MPP1: variants seen among roughly 807,000 people sequenced by gnomAD.
MPP1 encodes the protein MAGUK p55 scaffold protein 1.
In MPP1, 6 loss-of-function variants were observed where a neutral mutation model predicts 38.2. That is an observed-to-expected ratio of 0.16 (90% CI 0.09 to 0.31). The LOEUF (loss-of-function observed/expected upper bound fraction) is 0.31. Among genes scored for constraint, MPP1 ranks in the 10% least tolerant of loss-of-function variants. MPP1 has a pLI of 1.00. For missense variants in MPP1, 293 were observed against 368.9 expected (o/e 0.79, Z 1.69); for synonymous variants, 153 against 146.3 (o/e 1.05, Z -0.33).
chrX:154,781,317 GAA>G lies in MPP1; in HGVS notation c.1150-6_1150-5del. ...CTGTCCGAACAATTTTCAGGGTCTAGAAAAAAAAAAGAAGGGCGGCGGGGAGG... is the reference window on the plus strand; with the variant it reads ...CTGTCCGAACAATTTTCAGGGTCTAGAAAAAAAAGAAGGGCGGCGGGGAGG... On this transcript the variant is annotated splice_polypyrimidine_tract_variant and splice_region_variant and intron_variant, in intron 10 of 11. Coordinates refer to ENST00000369534, the MANE Select transcript of MPP1 (RefSeq NM_002436.4). 4 of 842,023 alleles carry G rather than the reference GAA, an allele frequency of 4.8e-6. No homozygotes were observed. The Admixed American group carries it at 1.1e-4, about 24-fold the overall frequency. The allele number at this position is 842,023 out of a possible 1,213,427, so 69.4% of individuals were successfully genotyped here.
Position 154,781,535 on chromosome X carries a change from G to A in MPP1, c.1149+65C>T. 5.4e-6 allele frequency: 6 copies of A among 1,108,970 alleles called. No homozygotes were observed. The East Asian group carries it at 1.2e-4, about 22-fold the overall frequency. The allele number at this position is 1,108,970 out of a possible 1,213,427, so 91.4% of individuals were successfully genotyped here. On this transcript the variant is annotated intron_variant, in intron 10 of 11. Coordinates refer to ENST00000369534, the MANE Select transcript of MPP1 (RefSeq NM_002436.4). ...TGAGCCCCCAGAAGATTCCCAAGGA[G>A]CACTGTCTTCGCCATCCCTTGTGTG...
At chrX:154,785,205 C>A in intron 6 of MPP1, 48 bp from the exon 7 acceptor site, 1 of 872,768 alleles carries the variant, frequency 1.1e-6, no homozygotes, top group Non-Finnish European at 1.5e-6. Context: ...CCCCTCCCCT[C>A]ATACCCCCCC....
intron 10 of MPP1, 56 bp from the exon 11 acceptor site, chrX:154,781,369 GAA>G (rs57003686): frequency 6.6e-5 from 48 of 723,796 alleles, no homozygotes; most frequent in East Asian, 1.7e-4. Context: ...AAAGGAAAGT[GAA>G]AAAAAAAAAC....
At chrX:154,783,538 A>C in intron 8 of MPP1, 31 bp from the exon 9 acceptor site, 1 of 1,124,187 alleles carries the variant, frequency 8.9e-7, no homozygotes. Context: ...ATCTTTTGGA[A>C]AGGGGGGAGA....
intron 1 of MPP1, among the ~76,000 whole-genome samples, chrX:154,800,389 G>A (rs1187510582): frequency 1.8e-5 from 2 of 111,702 alleles, no homozygotes; most frequent in African/African-American, 6.5e-5. Flanking sequence ...ATCCATCTGG[G>A]AACACATACA....
At position 154,792,173 on chromosome X, in the gene MPP1, A is replaced by G. The variant is rs1557267813; in HGVS notation, c.215T>C (p.Ile72Thr). Residue 72 changes from isoleucine (I) to threonine (T), a missense_variant, in exon 2 of 12, where the codon ATA (isoleucine) becomes ACA (threonine). Coordinates refer to ENST00000369534, the MANE Select transcript of MPP1 (RefSeq NM_002436.4). ...KGQEVRKVRLIQFEKVTEEPM... is the reference protein window; with the variant it reads ...KGQEVRKVRLTQFEKVTEEPM... ...CTCTTCTGTGACCTTCTCAAACTGTATGAGTCGCACTTTCCGCACCTCCTG... is the reference window on the plus strand; with the variant it reads ...CTCTTCTGTGACCTTCTCAAACTGTGTGAGTCGCACTTTCCGCACCTCCTG... The G allele has an allele frequency of 1.7e-6, 2 of 1,211,687 alleles. No homozygotes were observed. The highest frequency in any genetic ancestry group is 2.2e-5 in the Admixed American group (1 of 46,055).
intron 1 of MPP1, among the ~76,000 whole-genome samples, chrX:154,798,888 C>T (rs1282202109): frequency 2.7e-5 from 3 of 110,748 alleles, no homozygotes; most frequent in Non-Finnish European, 5.7e-5. Context: ...GCATGCACCA[C>T]CACGCCCGGC....
chrX:154,788,050 T>A (rs1424044713), intron 5 of MPP1, among the ~76,000 whole-genome samples: 2 of 112,459 alleles, frequency 1.8e-5, no homozygotes, highest in Non-Finnish European at 3.8e-5. Flanking sequence ...TAACAATCAA[T>A]CCCAGATGGG....
intron 5 of MPP1, among the ~76,000 whole-genome samples, chrX:154,787,026 C>A (rs1400362378): frequency 1.0e-4 from 11 of 107,116 alleles, no homozygotes; most frequent in Admixed American, 4.0e-4. Flanking sequence ...ACTGTTTTCA[C>A]AATTGAAAAT....
In MPP1 at chrX:154,778,701, C is replaced by T. The variant is rs782511199; in HGVS notation, c.*476G>A. 8.6e-6 allele frequency: 1 copy of T among 115,816 alleles called. No individual in the cohort carries two copies. The highest frequency in any genetic ancestry group is 2.7e-4 in the East Asian group (1 of 3,670). 9.5% of individuals were successfully genotyped at this position (115,816 alleles called of 1,213,427 possible). On this transcript the variant is annotated 3_prime_UTR_variant, in exon 12 of 12. Coordinates refer to ENST00000369534, the MANE Select transcript of MPP1 (RefSeq NM_002436.4). ...CAAGGTCATTGGCATTTCAACACAG[C>T]ATTTTTATTGCTTTTGAAGGTTTCC...
At chrX:154,801,632 G>A (rs1454056384) in intron 1 of MPP1, among the ~76,000 whole-genome samples, 2 of 107,912 alleles carry the variant, frequency 1.9e-5, no homozygotes, top group African/African-American at 3.4e-5. Flanking sequence ...GTTGGCAGGC[G>A]CCTGTAATCC....
At chrX:154,779,824 T>C (rs2071969604) in intron 11 of MPP1, among the ~76,000 whole-genome samples, 3 of 113,142 alleles carry the variant, frequency 2.7e-5, no homozygotes, top group African/African-American at 6.4e-5. Context: ...GTTCAAGCAA[T>C]TCTCGTGTCT....
At chrX:154,803,905 G>GA (rs1450206530) in intron 1 of MPP1, among the ~76,000 whole-genome samples, 1 of 112,024 alleles carries the variant, frequency 8.9e-6, no homozygotes, top group South Asian at 3.7e-4. Flanking sequence ...TTGTGGGGAA[G>GA]AAAAAAATCA....
Position 154,785,053 on chromosome X carries a change from G to A in MPP1, c.782C>T (p.Ser261Leu). 2.5e-6 allele frequency: 3 copies of A among 1,209,643 alleles called. No homozygotes were observed. The highest frequency in any genetic ancestry group is 3.4e-6 in the Non-Finnish European group (3 of 893,674). The change falls in exon 7 of 12, where the codon TCG (serine) becomes TTG (leucine). Residue 261 changes from serine to leucine, a missense_variant and splice_region_variant. Transcript: ENST00000369534. ...YKDKYLAKHS[S>L]IFDQLDVVSY... is the part of the protein sequence containing the mutation. ...GCAAGAAGGCTCAGAAAGCTTACTC[G>A]AGCTGTGCTTGGCCAGATATTTGTC...
intron 9 of MPP1, chrX:154,782,188 C>A (rs961245344): frequency 1.4e-5 from 2 of 142,781 alleles, no homozygotes; most frequent in Non-Finnish European, 2.7e-5. Context: ...TTAAGGTTTC[C>A]TTTTCATGAC....
intron 1 of MPP1, chrX:154,799,816 G>A (rs1557268483): frequency 8.6e-7 from 1 of 1,165,834 alleles, no homozygotes; most frequent in Admixed American, 2.6e-5. Context: ...GAGTGGCAAT[G>A]CCTGCCGCTC....
Position 154,781,317 on chromosome X carries a change from G to C in MPP1, c.1150-4C>G. The C allele has an allele frequency of 1.2e-6, 1 of 842,489 alleles. No individual in the cohort carries two copies. Among genetic ancestry groups the C allele is most frequent in the African/African-American group, 3.0e-5 (1 of 33,447 alleles). 69.4% of individuals were successfully genotyped at this position (842,489 alleles called of 1,213,427 possible). A position where few individuals can be genotyped will look rare whatever the true frequency, so the allele number is the denominator to read the frequency against. On this transcript the variant is annotated splice_region_variant and splice_polypyrimidine_tract_variant and intron_variant, in intron 10 of 11. Transcript: ENST00000369534. ...CTGTCCGAACAATTTTCAGGGTCTA[G>C]AAAAAAAAAAGAAGGGCGGCGGGGA...
chrX:154,786,484 G>A (rs2072075667), intron 5 of MPP1, 84 bp from the exon 6 acceptor site: 6 of 894,168 alleles, frequency 6.7e-6, no homozygotes, highest in Non-Finnish European at 9.5e-6. Context: ...AGACAAATGG[G>A]GTCAGGATGG....
intron 5 of MPP1, among the ~76,000 whole-genome samples, chrX:154,786,764 C>T (rs1352168396): frequency 6.5e-5 from 7 of 108,347 alleles, no homozygotes; most frequent in East Asian, 2.9e-4. Flanking sequence ...GGTGTGGTGG[C>T]GTGCACCTGT....
Sources: gnomAD v4.1 joint callset for allele counts (sites outside exome capture counted in the v4.1 genomes callset) on GRCh38, gnomAD v4.1.1 for gene constraint, MANE v1.5 for transcripts, NCBI Gene and HGNC (gene_info 2026-07-23, HGNC 2026-07-21) for gene names.